Variants in CUX1 observed in about 807,000 individuals in gnomAD.
The protein encoded by CUX1 is cut like homeobox 1, also known as protein CASP.
In CUX1, 31 loss-of-function variants were observed where a neutral mutation model predicts 158.8. The ratio of observed to expected loss-of-function variants is 0.20; its 90% CI spans 0.15 to 0.26. CUX1 has a LOEUF of 0.26. Among genes scored for constraint, CUX1 ranks in the 10% least tolerant of loss-of-function variants. The probability of loss-of-function intolerance (pLI) is 1.00; values close to 1 mark genes in which losing one functional copy is unlikely to be tolerated. For missense variants in CUX1, 1,589 were observed against 2,014.6 expected, an observed-to-expected ratio of 0.79 and a Z score of 4.04; for synonymous variants, 879 against 862.1, an observed-to-expected ratio of 1.02 and a Z score of -0.34.
At chr7:102,111,250 A>G (rs1830851488) in intron 6 of CUX1, among the ~76,000 whole-genome samples, 2 of 152,200 alleles carry the variant, frequency 1.3e-5, no homozygotes. Context: ...TTTGCATTCC[A>G]TTATAACAGA....
At chr7:101,878,542 C>T (rs1396644550) in intron 1 of CUX1, among the ~76,000 whole-genome samples, 5 of 152,162 alleles carry the variant, frequency 3.3e-5, no homozygotes, top group African/African-American at 1.2e-4. Context: ...TGGCAAAGCT[C>T]ACCTTGATGC....
chr7:102,254,229 T>G lies in CUX1; in HGVS notation c.*5187T>G, dbSNP rs1314270150. The G allele has an allele frequency of 2.0e-6, 2 of 985,362 alleles. No individual in the cohort carries two copies. The highest frequency in any genetic ancestry group is 2.3e-4 in the East Asian group (2 of 8,828). 61.0% of individuals were successfully genotyped at this position (985,362 alleles called of 1,614,324 possible). On this transcript the variant is annotated 3_prime_UTR_variant, in exon 24 of 24. Coordinates refer to ENST00000292535, the MANE Select transcript of CUX1 (RefSeq NM_181552.4). ...CGAGGGTCTTGTCTTTGGTCCGCCT[T>G]CCTTTCTGTCCAGTCCTGCTCAGCT...
At position 102,114,792 on chromosome 7, in the gene CUX1, G is replaced by A. The variant is rs143535266; in HGVS notation, c.608-415G>A. Among the ~76,000 whole-genome samples, 794 of 152,282 alleles carry A rather than the reference G, an allele frequency of 5.2e-3. 7 individuals carry two copies. The highest frequency in any genetic ancestry group is 0.018 in the African/African-American group (763 of 41,562). On this transcript the variant is annotated intron_variant, in intron 7 of 23. Coordinates refer to ENST00000292535, the MANE Select transcript of CUX1 (RefSeq NM_181552.4). ...GCTACTTGGGAGGCTGAGGCAAGAG[G>A]ATGGCTTGAGCCCAGGAGTTAAAGG...
intron 1 of CUX1, among the ~76,000 whole-genome samples, chr7:101,896,791 A>G (rs1801566363): frequency 6.6e-6 from 1 of 152,238 alleles, no homozygotes; most frequent in South Asian, 2.1e-4. Flanking sequence ...TCCCTAACAA[A>G]CTAAATATGA....
In CUX1 at chr7:102,255,311, C is replaced by T. The variant is rs1789776423; in HGVS notation, c.*6269C>T. 1.0e-6 allele frequency: 1 copy of T among 981,880 alleles called. No individual in the cohort carries two copies. 60.8% of individuals were successfully genotyped at this position (981,880 alleles called of 1,614,324 possible). On this transcript the variant is annotated 3_prime_UTR_variant, in exon 24 of 24. Transcript: ENST00000292535. Reference sequence around the variant, plus strand: ...TGGATGAAGTGACATTTAGCTTTAACAAGACATTTCCAAAGCGCCTAGTCT... The same window carrying T: ...TGGATGAAGTGACATTTAGCTTTAATAAGACATTTCCAAAGCGCCTAGTCT...
At chr7:102,179,804 C>T (rs896527012) in intron 11 of CUX1, among the ~76,000 whole-genome samples, 26 of 152,320 alleles carry the variant, frequency 1.7e-4, no homozygotes, top group Non-Finnish European at 3.1e-4. Flanking sequence ...CAGCCCCAGG[C>T]CAGGGGTTCC....
At chr7:102,240,847 G>C (rs1800123246) in intron 23 of CUX1, among the ~76,000 whole-genome samples, 1 of 152,102 alleles carries the variant, frequency 6.6e-6, no homozygotes, top group Non-Finnish European at 1.5e-5. Flanking sequence ...TTGAGACGGA[G>C]CCTTGCTCTG....
At chr7:101,849,605 T>C (rs1796062095) in intron 1 of CUX1, among the ~76,000 whole-genome samples, 1 of 152,222 alleles carries the variant, frequency 6.6e-6, no homozygotes, top group South Asian at 2.1e-4. Flanking sequence ...ATTGATTCTA[T>C]GTCTTTGCTA....
intron 20 of CUX1, among the ~76,000 whole-genome samples, 164 bp from the exon 21 acceptor site, chr7:102,227,203 C>T (rs528818718): frequency 6.6e-6 from 1 of 152,160 alleles, no homozygotes; most frequent in South Asian, 2.1e-4. Context: ...AGAGGTTACT[C>T]TCAGTCAAAA....
At chr7:101,984,144 ATATATGTGTGTG>A (rs1352038281) in intron 2 of CUX1, among the ~76,000 whole-genome samples, 33 of 88,438 alleles carry the variant, frequency 3.7e-4, no homozygotes, top group African/African-American at 1.2e-3. Context: ...ACACACATAT[ATATATGTGTGTG>A]TGTGTGTGTG....
chr7:101,972,823 G>A (rs920775050), intron 2 of CUX1, among the ~76,000 whole-genome samples: 8 of 152,150 alleles, frequency 5.3e-5, no homozygotes, highest in African/African-American at 7.2e-5. Context: ...GGAGCTCGCC[G>A]CGTGGTAACC....
chr7:101,974,598 A>T (rs952510548), intron 2 of CUX1, among the ~76,000 whole-genome samples: 1 of 152,152 alleles, frequency 6.6e-6, no homozygotes, highest in Non-Finnish European at 1.5e-5. Context: ...ATAGATGTAG[A>T]TATATTACAG....
At chr7:101,847,884 G>A (rs977414435) in intron 1 of CUX1, among the ~76,000 whole-genome samples, 1 of 151,566 alleles carries the variant, frequency 6.6e-6, no homozygotes, top group Non-Finnish European at 1.5e-5. Flanking sequence ...CCTGGCCAAC[G>A]TGGTGAAACC....
intron 6 of CUX1, among the ~76,000 whole-genome samples, chr7:102,107,161 G>C (rs2131023156): frequency 6.6e-6 from 1 of 152,214 alleles, no homozygotes; most frequent in South Asian, 2.1e-4. Flanking sequence ...TTGAGGTCAG[G>C]AGTTCCAGGC....
intron 2 of CUX1, among the ~76,000 whole-genome samples, chr7:101,955,998 C>A (rs955635430): frequency 2.0e-5 from 3 of 151,864 alleles, no homozygotes; most frequent in Non-Finnish European, 2.9e-5. Flanking sequence ...CTGGCTAACA[C>A]GGTGAAACCC....
At chr7:101,863,838 A>G (rs1263672798) in intron 1 of CUX1, among the ~76,000 whole-genome samples, 1 of 152,206 alleles carries the variant, frequency 6.6e-6, no homozygotes, top group Non-Finnish European at 1.5e-5. Context: ...CACTTAGCAC[A>G]GTGTCAAAGT....
chr7:102,278,657 A>AATAAAATAATAAAATAT (rs781848717), intron 18 of CUX1, among the ~76,000 whole-genome samples: 1 of 99,106 alleles, frequency 1.0e-5, no homozygotes, highest in African/African-American at 3.2e-5. Context: ...AATAAAATAA[A>AATAAAATAATAAAATAT]AAAATAAAAT....
chr7:101,987,468 T>G (rs1218983915), intron 2 of CUX1, among the ~76,000 whole-genome samples: 1 of 152,254 alleles, frequency 6.6e-6, no homozygotes, highest in African/African-American at 2.4e-5. Flanking sequence ...TGTTTCAGAC[T>G]AGGGTCATGT....
At chr7:102,104,847 G>A (rs926199937) in intron 6 of CUX1, among the ~76,000 whole-genome samples, 7 of 152,128 alleles carry the variant, frequency 4.6e-5, no homozygotes, top group Non-Finnish European at 5.9e-5. Flanking sequence ...AGCCGAGATC[G>A]CGCCACTGCA....
Sources: allele counts gnomAD v4.1 joint callset (sites outside exome capture counted in the v4.1 genomes callset), GRCh38; gene constraint gnomAD v4.1.1; transcripts MANE v1.5; gene names NCBI Gene and HGNC (gene_info 2026-07-23, HGNC 2026-07-21).